P2RX1: variants seen among roughly 807,000 people sequenced by gnomAD.
P2RX1 encodes the protein purinergic receptor P2X 1.
A neutral mutation model predicts 50.3 loss-of-function variants in P2RX1; 42 were observed. The observed-to-expected ratio is 0.83, with a 90% CI of 0.65 to 1.08. The LOEUF is 1.08. Ranked by LOEUF, P2RX1 falls within the 50% of genes least tolerant of loss-of-function variation. The pLI is 0.00. For synonymous variants in P2RX1, 199 were observed against 202.6 expected, an observed-to-expected ratio of 0.98 and a Z score of 0.15; for missense variants, 449 against 529.0, an observed-to-expected ratio of 0.85 and a Z score of 1.48.
Position 3,903,235 on chromosome 17 carries a change from C to T in P2RX1, c.714G>A (p.Glu238=), listed in dbSNP as rs151139612. The part of the protein sequence containing the change: ...PVFQLGYVVQ[E]SGQNFSTLAE... ...CCAGGGTGCTGAAGTTCTGGCCTGA[C>T]TCTTGCACCACGTAGCCAAGCTGGA... Residue 238 remains glutamate, a synonymous_variant, in exon 7 of 12, where the codon GAG becomes GAA. Transcript: ENST00000225538. This position sits in a 1 kb window ranked among gnomAD's most constrained non-coding sequence, Gnocchi z 4.6. The T allele has an allele frequency of 1.8e-4, 290 of 1,614,186 alleles. No homozygotes were observed. In the Middle Eastern group the frequency reaches 1.8e-3, roughly 10 times the overall value.
rs761461847 is a variant in P2RX1 at position 3,899,620 on chromosome 17, G to A, written c.875+14C>T. ...CCACAAGGAAGAATGTGCTGCTGGGGGCCTGGCAGACACCTGAAGTTGAAG... is the reference window on the plus strand; with the variant it reads ...CCACAAGGAAGAATGTGCTGCTGGGAGCCTGGCAGACACCTGAAGTTGAAG... On this transcript the variant is annotated intron_variant, in intron 8 of 11. Transcript: ENST00000225538. 16 of 1,612,296 alleles carry A rather than the reference G, an allele frequency of 9.9e-6. No homozygotes were observed. The highest frequency in any genetic ancestry group is 1.4e-5 in the Non-Finnish European group (16 of 1,178,964).
At chr17:3,906,910 C>A (rs1347628488) in intron 1 of P2RX1, among the ~76,000 whole-genome samples, 3 of 152,142 alleles carry the variant, frequency 2.0e-5, no homozygotes, top group African/African-American at 7.2e-5. Context: ...CTGGGAATTG[C>A]CAGGAAAGAA....
intron 1 of P2RX1, chr17:3,915,830 C>G (rs777391809): frequency 1.1e-5 from 7 of 624,516 alleles, no homozygotes; most frequent in South Asian, 6.1e-5. Context: ...AACCATAACA[C>G]TGAGCCGGCT....
chr17:3,913,292 A>AT (rs2056395809), intron 1 of P2RX1, among the ~76,000 whole-genome samples: 2 of 151,556 alleles, frequency 1.3e-5, no homozygotes, highest in Admixed American at 6.6e-5. Context: ...CACCCAGCTA[A>AT]TTTTTTCTAT....
chr17:3,905,002 G>C (rs2056235293), intron 2 of P2RX1, 73 bp from the exon 3 acceptor site: 1 of 1,241,852 alleles, frequency 8.1e-7, no homozygotes, highest in African/African-American at 1.5e-5. Context: ...CCCCACCGCT[G>C]CCCCAGCAGA....
Position 3,901,352 on chromosome 17 carries a change from C to T in P2RX1, c.748-1591G>A, listed in dbSNP as rs142451906. On this transcript the variant is annotated intron_variant, in intron 7 of 11. Coordinates refer to ENST00000225538, the MANE Select transcript of P2RX1 (RefSeq NM_002558.4). ...AAAGTGCTGGGATTACAGGCGTGAG[C>T]CACCGCACCCAGCCCTGATGACAGG... is the stretch of plus-strand genomic sequence containing the variant. Among the ~76,000 whole-genome samples the T allele has an allele frequency of 6.6e-3, 999 of 152,340 alleles. 14 individuals are homozygous for T. Among genetic ancestry groups the T allele is most frequent in the African/African-American group, 0.022 (935 of 41,564 alleles).
At position 3,901,356 on chromosome 17, in the gene P2RX1, C is replaced by T. The variant is rs113449815; in HGVS notation, c.748-1595G>A. On this transcript the variant is annotated intron_variant, in intron 7 of 11. Coordinates refer to ENST00000225538, the MANE Select transcript of P2RX1 (RefSeq NM_002558.4). ...TGCTGGGATTACAGGCGTGAGCCAC[C>T]GCACCCAGCCCTGATGACAGGGAGA... Among the ~76,000 whole-genome samples the T allele has an allele frequency of 3.0e-3, 452 of 152,308 alleles. 2 individuals are homozygous for T. The highest frequency in any genetic ancestry group is 0.01 in the African/African-American group (424 of 41,570).
At chr17:3,901,881 G>A (rs1420615521) in intron 7 of P2RX1, among the ~76,000 whole-genome samples, 4 of 151,830 alleles carry the variant, frequency 2.6e-5, no homozygotes, top group Non-Finnish European at 4.4e-5. Flanking sequence ...CCCTCGGGGC[G>A]ACCCCACGAG....
intron 1 of P2RX1, among the ~76,000 whole-genome samples, chr17:3,906,088 C>A (rs2056257469): frequency 6.6e-6 from 1 of 152,202 alleles, no homozygotes; most frequent in Non-Finnish European, 1.5e-5. Context: ...GCTATTCAAT[C>A]CCCTGTGCCT....
Position 3,898,918 on chromosome 17 carries a change from C to T in P2RX1, c.966+16G>A. ...AATGTGTCTCAGCTGCCACCACCCT[C>T]ACACTGGACACTCACCTTGCCGTCC... On this transcript the variant is annotated intron_variant, in intron 9 of 11. Coordinates refer to ENST00000225538, the MANE Select transcript of P2RX1 (RefSeq NM_002558.4). 1 of 1,602,794 alleles carries T rather than the reference C, an allele frequency of 6.2e-7. No homozygotes were observed. The highest frequency in any genetic ancestry group is 8.5e-7 in the Non-Finnish European group (1 of 1,169,754).
intron 7 of P2RX1, among the ~76,000 whole-genome samples, chr17:3,900,814 G>T (rs139866265): frequency 6.6e-6 from 1 of 152,286 alleles, no homozygotes; most frequent in East Asian, 1.9e-4. Flanking sequence ...TGAGTTCCTG[G>T]CACAGGTCAC....
chr17:3,912,951 C>T (rs1343481700), intron 1 of P2RX1, among the ~76,000 whole-genome samples: 3 of 152,074 alleles, frequency 2.0e-5, no homozygotes, highest in Non-Finnish European at 4.4e-5. Flanking sequence ...CCCAGAGGGA[C>T]TGGAGAGAAA....
At chr17:3,913,839 G>T (rs2056404076) in intron 1 of P2RX1, among the ~76,000 whole-genome samples, 1 of 148,142 alleles carries the variant, frequency 6.8e-6, no homozygotes, top group Admixed American at 6.9e-5. Context: ...AAACAGCAAA[G>T]TGCTGAGCTG....
At chr17:3,898,698 AGACCTGGGTTTT>A in intron 9 of P2RX1, 149 bp from the exon 10 acceptor site, 1 of 755,384 alleles carries the variant, frequency 1.3e-6, no homozygotes, top group Non-Finnish European at 2.3e-6. Flanking sequence ...GCTGGTCAGT[AGACCTGGGTTTT>A]GACCTTGGCT....
intron 1 of P2RX1, among the ~76,000 whole-genome samples, chr17:3,905,863 A>G (rs1215613198): frequency 6.6e-6 from 1 of 151,804 alleles, no homozygotes; most frequent in Admixed American, 6.6e-5. Context: ...AAAAAAAAAA[A>G]AAAAAGGAAA....
intron 4 of P2RX1, 34 bp from the exon 5 acceptor site, chr17:3,904,058 C>G: frequency 6.4e-7 from 1 of 1,569,752 alleles, no homozygotes; most frequent in South Asian, 1.1e-5. Flanking sequence ...GGTGCCTGCA[C>G]TAAACAGAGG....
Position 3,903,741 on chromosome 17 carries a change from G to A in P2RX1, c.525-110C>T, listed in dbSNP as rs1597515738. 6.3e-6 allele frequency: 8 copies of A among 1,270,708 alleles called. No homozygotes were observed. The highest frequency in any genetic ancestry group is 1.2e-5 in the South Asian group (1 of 83,470). 78.7% of individuals were successfully genotyped at this position (1,270,708 alleles called of 1,614,324 possible). On this transcript the variant is annotated intron_variant, in intron 5 of 11. Transcript: ENST00000225538. The surrounding 1 kb of genome is among the most constrained non-coding windows in gnomAD (Gnocchi z 4.6). ...GCCGAGCCTCCGGGACCCGCCTGCA[G>A]CCCTGGGCTGGTGGAGGGGTGGGTG... is the stretch of plus-strand genomic sequence containing the variant.
At position 3,903,932 on chromosome 17, in the gene P2RX1, G is replaced by A; in HGVS notation, c.520C>T (p.Pro174Ser). Residue 174 changes from proline to serine, a missense_variant, in exon 5 of 12, where the codon CCG becomes TCG. Physicochemically the swap from Pro to Ser is moderately conservative, Grantham distance 74. Coordinates refer to ENST00000225538, the MANE Select transcript of P2RX1 (RefSeq NM_002558.4). This position sits in a 1 kb window ranked among gnomAD's most constrained non-coding sequence, Gnocchi z 4.6. ...WCPVEVDDDI[P>S]RPALLREAEN... The stretch of plus-strand genomic sequence containing the variant: ...TCTGGAAGGTCAGAGTGTTACCGCG[G>A]GATGTCGTCATCCACCTCCACGGGG... 6.2e-7 allele frequency: 1 copy of A among 1,612,190 alleles called. No individual in the cohort carries two copies.
At position 3,898,964 on chromosome 17, in the gene P2RX1, C is replaced by T. The variant is rs1178239652; in HGVS notation, c.936G>A (p.Gly312=). ...TNYRHLFKVF[G]IRFDILVDGK... Reference sequence around the variant, plus strand: ...CGTCCACCAGGATGTCAAAGCGAATCCCAAACACCTTGAAGAGGTGACGGT... The same window carrying T: ...CGTCCACCAGGATGTCAAAGCGAATTCCAAACACCTTGAAGAGGTGACGGT... Residue 312 remains glycine, a synonymous_variant, in exon 9 of 12, where the codon GGG becomes GGA. Transcript: ENST00000225538. 1 of 1,613,870 alleles carries T rather than the reference C, an allele frequency of 6.2e-7. No individual in the cohort carries two copies. The highest frequency in any genetic ancestry group is 1.7e-5 in the Admixed American group (1 of 60,008).
Sources: gnomAD v4.1 joint callset for allele counts (sites outside exome capture counted in the v4.1 genomes callset) on GRCh38, gnomAD v4.1.1 for gene constraint, Gnocchi (gnomAD v3.1) non-coding constraint, MANE v1.5 for transcripts, NCBI Gene and HGNC (gene_info 2026-07-23, HGNC 2026-07-21) for gene names.